GAB2: variants seen among roughly 807,000 people sequenced by gnomAD.
GAB2 encodes the protein GRB2 associated binding protein 2, also known as GRB2-associated-binding protein 2.
In GAB2, 26 loss-of-function variants were observed where a neutral mutation model predicts 65.5. The ratio of observed to expected loss-of-function variants is 0.40; its 90% CI spans 0.29 to 0.55. The LOEUF is 0.55. Among genes scored for constraint, GAB2 ranks in the 20% least tolerant of loss-of-function variants. The pLI is 0.53. For missense variants in GAB2, 884 were observed against 875.8 expected, an observed-to-expected ratio of 1.01 and a Z score of -0.12; for synonymous variants, 321 against 329.6, an observed-to-expected ratio of 0.97 and a Z score of 0.28.
intron 1 of GAB2, among the ~76,000 whole-genome samples, chr11:78,408,207 T>C (rs985348149): frequency 6.6e-6 from 1 of 152,044 alleles, no homozygotes; most frequent in Non-Finnish European, 1.5e-5. Flanking sequence ...CTGTCTGATA[T>C]AAAAAAAATA....
At chr11:78,272,187 G>C (rs976515907) in intron 2 of GAB2, among the ~76,000 whole-genome samples, 1 of 152,206 alleles carries the variant, frequency 6.6e-6, no homozygotes, top group African/African-American at 2.4e-5. Context: ...GGTAGCAGTA[G>C]AGTGGGGTGC....
intron 1 of GAB2, among the ~76,000 whole-genome samples, chr11:78,366,296 T>C (rs1326990189): frequency 6.6e-6 from 1 of 151,980 alleles, no homozygotes; most frequent in African/African-American, 2.4e-5. Context: ...AGTACTAAAA[T>C]AGGCTGGGCA....
At chr11:78,318,369 CAAA>C (rs11272998) in intron 1 of GAB2, 15,833 of 47,990 alleles carry the variant, frequency 0.33, 3,520 homozygotes, top group Middle Eastern at 0.56. Context: ...TGTTAAATGC[CAAA>C]AAAAAAAAAA....
intron 1 of GAB2, among the ~76,000 whole-genome samples, chr11:78,412,138 C>CAAA (rs199965865): frequency 2.1e-4 from 30 of 140,030 alleles, no homozygotes; most frequent in South Asian, 8.9e-4. Flanking sequence ...AACTCCATCT[C>CAAA]AAAAAAAAAA....
chr11:78,390,688 T>A (rs906509774), intron 1 of GAB2, among the ~76,000 whole-genome samples: 5 of 152,292 alleles, frequency 3.3e-5, no homozygotes, highest in African/African-American at 9.6e-5. Context: ...TCTCCTCCAA[T>A]AATGGGTTCA....
intron 2 of GAB2, among the ~76,000 whole-genome samples, chr11:78,273,894 C>T (rs957644812): frequency 2.0e-5 from 3 of 152,176 alleles, no homozygotes; most frequent in Non-Finnish European, 4.4e-5. Context: ...TGTAAGAGCT[C>T]TCTCTCGGCC....
intron 1 of GAB2, among the ~76,000 whole-genome samples, chr11:78,294,242 A>G (rs1227063084): frequency 6.6e-6 from 1 of 152,220 alleles, no homozygotes; most frequent in Non-Finnish European, 1.5e-5. Context: ...TACAAAGGAC[A>G]TGAACTCATT....
intron 2 of GAB2, 65 bp downstream of exon 2, chr11:78,280,536 T>C (rs1173358142): frequency 3.1e-6 from 4 of 1,281,610 alleles, no homozygotes; most frequent in South Asian, 2.7e-5. Flanking sequence ...CTGCTCTCAA[T>C]GCTCCAGGAA....
intron 1 of GAB2, among the ~76,000 whole-genome samples, chr11:78,320,108 G>A (rs919911008): frequency 6.6e-6 from 1 of 152,166 alleles, no homozygotes. Flanking sequence ...TCCTGGCCTC[G>A]ATCTGCCCCT....
At chr11:78,381,502 G>C (rs1045728015) in intron 1 of GAB2, among the ~76,000 whole-genome samples, 7 of 152,148 alleles carry the variant, frequency 4.6e-5, no homozygotes, top group African/African-American at 1.7e-4. Flanking sequence ...GTACAGAGCT[G>C]TCTTTAGATT....
At chr11:78,220,762 C>A (rs933178288) in intron 8 of GAB2, among the ~76,000 whole-genome samples, 3 of 152,168 alleles carry the variant, frequency 2.0e-5, no homozygotes, top group Non-Finnish European at 4.4e-5. Context: ...CTGTGCTAAC[C>A]CCTGTACCAC....
chr11:78,259,741 T>C (rs2134542720), intron 2 of GAB2, among the ~76,000 whole-genome samples: 1 of 152,248 alleles, frequency 6.6e-6, no homozygotes, highest in African/African-American at 2.4e-5. Context: ...CTCCTACCTC[T>C]CAAATCTCTC....
At chr11:78,358,163 G>C (rs1326128397) in intron 1 of GAB2, among the ~76,000 whole-genome samples, 1 of 151,890 alleles carries the variant, frequency 6.6e-6, no homozygotes, top group Non-Finnish European at 1.5e-5. Context: ...GATGAAGCTG[G>C]AAACCATCAT....
chr11:78,339,132 G>C (rs1170353987), intron 1 of GAB2, among the ~76,000 whole-genome samples: 2 of 151,902 alleles, frequency 1.3e-5, no homozygotes, highest in Non-Finnish European at 2.9e-5. Flanking sequence ...TGCCATGTTG[G>C]CCAGGCTGGT....
rs112129623 is a variant in GAB2 at position 78,355,148 on chromosome 11, A to G, written c.75+62498T>C. On this transcript the variant is annotated intron_variant, in intron 1 of 9. Transcript: ENST00000361507. ...GAGATCCTCCACGGGAATAGGGATT[A>G]GGAGATGTGGGTCCAGTTCTGGCTT... 3.0e-3 allele frequency among the ~76,000 whole-genome samples: 461 copies of G among 152,360 alleles called. 2 individuals carry two copies. The highest frequency in any genetic ancestry group is 0.01 in the African/African-American group (428 of 41,582).
At chr11:78,243,015 T>TA (rs1230517302) in intron 3 of GAB2, among the ~76,000 whole-genome samples, 8 of 150,896 alleles carry the variant, frequency 5.3e-5, no homozygotes, top group Non-Finnish European at 1.0e-4. Context: ...ATACAAATAT[T>TA]AGTGGGCATG....
chr11:78,250,326 G>T lies in GAB2; in HGVS notation c.451C>A (p.His151Asn). ...SPAELSSSSQ[H>N]LLRERKSSAP... ...GAGGACTTGCGCTCTCGGAGAAGGT[G>T]CTGGCTAGAGCTGCTGAGCTCAGCT... The change falls in exon 3 of 10, where the codon CAC becomes AAC. Residue 151 changes from histidine to asparagine, a missense_variant. Physicochemically the swap from His to Asn is moderately conservative, Grantham distance 68. Transcript: ENST00000361507. 6.2e-7 allele frequency: 1 copy of T among 1,613,732 alleles called. No homozygotes were observed. Among genetic ancestry groups the T allele is most frequent in the Non-Finnish European group, 8.5e-7 (1 of 1,179,892 alleles).
At chr11:78,225,512 G>A (rs1411074529) in intron 4 of GAB2, among the ~76,000 whole-genome samples, 1 of 152,156 alleles carries the variant, frequency 6.6e-6, no homozygotes. Flanking sequence ...TCACTTCTCT[G>A]AACACCACAG....
rs533873553 is a variant in GAB2, at chr11:78,219,824, T to G, written c.1888-409A>C. On this transcript the variant is annotated intron_variant, in intron 9 of 9. Transcript: ENST00000361507. ...ACGTGCTGTGCTCACTGCCACCCTG[T>G]GAAGGGGAACCATGCTGAGGCACAG... Among the ~76,000 whole-genome samples the G allele has an allele frequency of 3.1e-3, 473 of 152,254 alleles. 1 individual carries two copies. Among genetic ancestry groups the G allele is most frequent in the African/African-American group, 0.011 (452 of 41,548 alleles).
Sources: allele counts gnomAD v4.1 joint callset (sites outside exome capture counted in the v4.1 genomes callset), GRCh38; gene constraint gnomAD v4.1.1; transcripts MANE v1.5; gene names NCBI Gene and HGNC (gene_info 2026-07-23, HGNC 2026-07-21).